COMT: variants seen among roughly 807,000 people sequenced by gnomAD.
COMT encodes the protein catechol O-methyltransferase.
A neutral mutation model predicts 18.9 loss-of-function variants in COMT; 13 were observed. That is an observed-to-expected ratio of 0.69 (90% CI 0.45 to 1.09). COMT has a LOEUF of 1.09. Ranked by LOEUF, COMT falls within the 50% of genes least tolerant of loss-of-function variation. COMT has a pLI of 0.00. For synonymous variants in COMT, 150 were observed against 160.9 expected (o/e 0.93, Z 0.51); for missense variants, 329 against 361.8 (o/e 0.91, Z 0.73).
intron 1 of COMT, among the ~76,000 whole-genome samples, chr22:19,957,938 A>G (rs1942100806): frequency 6.6e-6 from 1 of 152,146 alleles, no homozygotes; most frequent in Admixed American, 6.5e-5. Flanking sequence ...TTATCCATTC[A>G]GGTGCTAACG....
At chr22:19,967,564 G>A (rs1466231770) in intron 5 of COMT, 8 of 368,720 alleles carry the variant, frequency 2.2e-5, no homozygotes, top group South Asian at 1.0e-4. Flanking sequence ...GGAAACGACC[G>A]CCACCCACCA....
intron 1 of COMT, among the ~76,000 whole-genome samples, chr22:19,943,650 A>AAT (rs1555918101): frequency 6.7e-6 from 1 of 149,202 alleles, no homozygotes; most frequent in Admixed American, 6.6e-5. Flanking sequence ...TAAAAAAAAA[A>AAT]AATAATAATA....
At position 19,964,281 on chromosome 22, in the gene COMT, G is replaced by A. The variant is rs769224; in HGVS notation, c.597G>A (p.Pro199=). 0.026 allele frequency: 42,464 copies of A among 1,613,964 alleles called. 799 individuals carry two copies. Among genetic ancestry groups the A allele is most frequent in the African/African-American group, 0.093 (7,005 of 75,028 alleles). The change falls in exon 5 of 6, where the codon CCG becomes CCA. Residue 199 remains proline, a synonymous_variant. Transcript: ENST00000361682. ...FLDHWKDRYL[P]DTLLLEECGL... ...ACCACTGGAAGGACCGGTACCTGCCGGACACGCTTCTCTTGGAGGTGAGCC... is the reference window on the plus strand; with the variant it reads ...ACCACTGGAAGGACCGGTACCTGCCAGACACGCTTCTCTTGGAGGTGAGCC...
chr22:19,966,331 G>C (rs1942388479), intron 5 of COMT, among the ~76,000 whole-genome samples: 1 of 151,766 alleles, frequency 6.6e-6, no homozygotes, highest in South Asian at 2.1e-4. Flanking sequence ...CTCAGGAGCA[G>C]GTTGCAATTC....
chr22:19,960,814 T>C (rs4646312), intron 1 of COMT, among the ~76,000 whole-genome samples: 47,729 of 152,256 alleles, frequency 0.31, 8,203 homozygotes, highest in Middle Eastern at 0.42. Flanking sequence ...CTTGGTAAAC[T>C]AGCCCTTGGT....
intron 5 of COMT, among the ~76,000 whole-genome samples, chr22:19,967,852 T>C (rs5993889): frequency 1.3e-5 from 2 of 152,234 alleles, no homozygotes; most frequent in East Asian, 1.9e-4. Flanking sequence ...TCTGATAGCA[T>C]AGATAGGCAA....
chr22:19,952,672 G>A (rs1364320060), intron 1 of COMT, among the ~76,000 whole-genome samples: 1 of 142,724 alleles, frequency 7.0e-6, no homozygotes, highest in African/African-American at 2.5e-5. Flanking sequence ...AAAAAAAACA[G>A]CCGAGCGCAG....
intron 1 of COMT, among the ~76,000 whole-genome samples, chr22:19,944,954 T>C (rs1941812232): frequency 6.6e-6 from 1 of 152,240 alleles, no homozygotes. Context: ...TCCCTTTTGA[T>C]TGAAGATAAT....
chr22:19,951,899 C>T (rs975541074), intron 1 of COMT, among the ~76,000 whole-genome samples: 4 of 152,180 alleles, frequency 2.6e-5, no homozygotes, highest in African/African-American at 9.7e-5. Flanking sequence ...AGACAGGGGC[C>T]CCATCTTCAG....
intron 1 of COMT, chr22:19,942,120 C>G (rs1365329881): frequency 3.3e-6 from 1 of 307,040 alleles, no homozygotes; most frequent in Non-Finnish European, 6.0e-6. Flanking sequence ...TCCCCAGACT[C>G]CTTGTGGAAA....
At chr22:19,951,686 A>G (rs931896602) in intron 1 of COMT, 1 of 152,308 alleles carries the variant, frequency 6.6e-6, no homozygotes, top group Non-Finnish European at 1.5e-5. Context: ...TTTGGTGACC[A>G]GTGACAGGAG....
chr22:19,964,728 G>T, intron 5 of COMT: 1 of 480,070 alleles, frequency 2.1e-6, no homozygotes. Context: ...TTCCTCCTGA[G>T]GCCCCATCTT....
At chr22:19,957,241 C>T (rs1158818597) in intron 1 of COMT, among the ~76,000 whole-genome samples, 6 of 152,292 alleles carry the variant, frequency 3.9e-5, no homozygotes, top group Admixed American at 1.3e-4. Flanking sequence ...TGAGCCACCG[C>T]GCCCGGCCAG....
chr22:19,950,017 T>C (rs1476559166), intron 1 of COMT, among the ~76,000 whole-genome samples: 1 of 152,166 alleles, frequency 6.6e-6, no homozygotes. Context: ...GTTTCAGCAC[T>C]TTCTTCTCTT....
At chr22:19,945,047 A>T (rs573430886) in intron 1 of COMT, among the ~76,000 whole-genome samples, 1 of 152,352 alleles carries the variant, frequency 6.6e-6, no homozygotes, top group South Asian at 2.1e-4. Flanking sequence ...CAGCACGAAC[A>T]GTAATTGACC....
rs1282180727 is a variant in COMT at position 19,967,031 on chromosome 22, G to A, written c.616-1505G>A. ...TGGTAGGAGGCTTGCAGTGTCGGGC[G>A]ACAGGCAGGACAGGTGCTGCCTTCT... On this transcript the variant is annotated intron_variant, in intron 5 of 5. Coordinates refer to ENST00000361682, the MANE Select transcript of COMT (RefSeq NM_000754.4). 9 of 1,202,198 alleles carry A rather than the reference G, an allele frequency of 7.5e-6. No homozygotes were observed. In the Admixed American group the frequency reaches 1.4e-4, roughly 19 times the overall value. The allele number at this position is 1,202,198 out of a possible 1,614,324, so 74.5% of individuals were successfully genotyped here.
chr22:19,942,499 G>A (rs1356275730), intron 1 of COMT, among the ~76,000 whole-genome samples: 1 of 152,186 alleles, frequency 6.6e-6, no homozygotes, highest in Non-Finnish European at 1.5e-5. Context: ...TCGGGGGGAT[G>A]TGTGGTGTGC....
At chr22:19,955,411 C>G (rs978366014) in intron 1 of COMT, among the ~76,000 whole-genome samples, 2 of 152,242 alleles carry the variant, frequency 1.3e-5, no homozygotes, top group African/African-American at 4.8e-5. Flanking sequence ...CCCTGGATTA[C>G]TGGATCGCAG....
chr22:19,963,135 C>T (rs1273521822), intron 3 of COMT, among the ~76,000 whole-genome samples: 2 of 152,038 alleles, frequency 1.3e-5, no homozygotes, highest in Non-Finnish European at 2.9e-5. Flanking sequence ...CTCCTGGGCC[C>T]GCCTCCCGCT....
Sources: gnomAD v4.1 joint callset for allele counts (sites outside exome capture counted in the v4.1 genomes callset) on GRCh38, gnomAD v4.1.1 for gene constraint, MANE v1.5 for transcripts, NCBI Gene and HGNC (gene_info 2026-07-23, HGNC 2026-07-21) for gene names.